TMEM232: variants seen among roughly 807,000 people sequenced by gnomAD.
The protein encoded by TMEM232 is transmembrane protein 232.
Under a neutral mutation model 78.8 loss-of-function variants are expected in TMEM232, and 80 were observed. The observed-to-expected ratio is 1.01, with a 90% confidence interval of 0.85 to 1.22. The LOEUF is 1.22. Ranked by LOEUF, TMEM232 falls within the 50% of genes most tolerant of loss-of-function variation. The pLI, the probability that TMEM232 is intolerant of heterozygous loss-of-function variation, is 0.00. For synonymous variants in TMEM232, 297 were observed against 254.3 expected (o/e 1.17, Z -1.60); for missense variants, 881 against 742.2 (o/e 1.19, Z -2.17).
At chr5:110,469,777 G>T (rs766631692) in intron 12 of TMEM232, among the ~76,000 whole-genome samples, 8 of 152,170 alleles carry the variant, frequency 5.3e-5, no homozygotes, top group Non-Finnish European at 1.0e-4. Flanking sequence ...AAGCGGAGCA[G>T]CTATGTACAC....
At chr5:110,597,442 G>T (rs1040111254) in intron 10 of TMEM232, among the ~76,000 whole-genome samples, 1,683 of 152,206 alleles carry the variant, frequency 0.011, 18 homozygotes, top group Middle Eastern at 0.017. Context: ...TACTGCCCAA[G>T]GTAATTTATA....
At chr5:110,460,153 A>G (rs1278547737) in intron 12 of TMEM232, among the ~76,000 whole-genome samples, 2 of 152,162 alleles carry the variant, frequency 1.3e-5, no homozygotes, top group Admixed American at 1.3e-4. Context: ...GCATTATATC[A>G]ATTTTAATTT....
Position 110,504,557 on chromosome 5 carries a change from C to T in TMEM232, c.1703+24031G>A, listed in dbSNP as rs73784778. Reference sequence around the variant, plus strand: ...ATTCCCAAGATCTGCAGTTGGCAAGCTAGAGACCCAGGATTGCCAATGTAT... The same window carrying T: ...ATTCCCAAGATCTGCAGTTGGCAAGTTAGAGACCCAGGATTGCCAATGTAT... On this transcript the variant is annotated intron_variant, in intron 12 of 13. Transcript: ENST00000455884. Among the ~76,000 whole-genome samples the T allele has an allele frequency of 4.3e-3, 655 of 152,272 alleles. 4 individuals carry two copies. Among genetic ancestry groups the T allele is most frequent in the African/African-American group, 0.015 (630 of 41,550 alleles).
chr5:110,517,015 T>C (rs543953712), intron 12 of TMEM232, among the ~76,000 whole-genome samples: 2 of 152,308 alleles, frequency 1.3e-5, no homozygotes, highest in East Asian at 1.9e-4. Flanking sequence ...CCCTTTTAAA[T>C]GTGCCCCACC....
intron 11 of TMEM232, among the ~76,000 whole-genome samples, chr5:110,565,829 A>G (rs1334310762): frequency 6.6e-6 from 1 of 151,962 alleles, no homozygotes; most frequent in Non-Finnish European, 1.5e-5. Context: ...TGATATTCAT[A>G]TGAACAAATC....
intron 2 of TMEM232, among the ~76,000 whole-genome samples, chr5:110,414,216 TATATC>T (rs1419410466): frequency 2.0e-5 from 3 of 152,226 alleles, no homozygotes; most frequent in South Asian, 2.1e-4. Context: ...TACCTGAAAT[TATATC>T]ATATTTTTAT....
intron 5 of TMEM232, among the ~76,000 whole-genome samples, chr5:110,637,617 C>T (rs1257988211): frequency 1.3e-5 from 2 of 151,626 alleles, no homozygotes; most frequent in Non-Finnish European, 2.9e-5. Flanking sequence ...ATACTTTTAG[C>T]CTTTCTTTTC....
rs377356381 is a variant in TMEM232, at chr5:110,431,318, C to G, written c.1704-6402G>C. 9.9e-5 allele frequency among the ~76,000 whole-genome samples: 15 copies of G among 151,692 alleles called. No homozygotes were observed. In the South Asian group the frequency reaches 2.1e-3, roughly 21 times the overall value. ...GAGAGGCCTTGATGAACACCTCAGG[C>G]TCTCCATTGGGACTCCTGAAAATTT... On this transcript the variant is annotated intron_variant, in intron 12 of 13. Coordinates refer to ENST00000455884, the MANE Select transcript of TMEM232 (RefSeq NM_001039763.4).
At chr5:110,620,225 G>T (rs1783457451) in intron 7 of TMEM232, among the ~76,000 whole-genome samples, 1 of 152,130 alleles carries the variant, frequency 6.6e-6, no homozygotes, top group Non-Finnish European at 1.5e-5. Flanking sequence ...GGATTGATTT[G>T]ACATACTATT....
intron 1 of TMEM232, among the ~76,000 whole-genome samples, chr5:110,688,788 G>C (rs1462825317): frequency 6.6e-6 from 1 of 152,128 alleles, no homozygotes; most frequent in East Asian, 1.9e-4. Context: ...CCACCTTTTG[G>C]CTGCTAAATA....
chr5:110,425,071 A>G (rs1176824192), intron 12 of TMEM232, among the ~76,000 whole-genome samples, 155 bp from the exon 13 acceptor site: 1 of 152,144 alleles, frequency 6.6e-6, no homozygotes, highest in East Asian at 1.9e-4. Context: ...GTTAGCTTTT[A>G]GGTTTTGTAA....
Position 110,491,263 on chromosome 5 carries a change from A to C in TMEM232, c.1703+37325T>G, listed in dbSNP as rs568686724. The stretch of plus-strand genomic sequence containing the variant: ...CATTAGGGAAATGAACATTAAAAAC[A>C]CAGCAATATACCTTTCACATTCTTT... On this transcript the variant is annotated intron_variant, in intron 12 of 13. Transcript: ENST00000455884. 1.1e-4 allele frequency among the ~76,000 whole-genome samples: 17 copies of C among 152,228 alleles called. No homozygotes were observed. The South Asian group carries it at 2.1e-3, about 19-fold the overall frequency.
At chr5:110,616,354 G>C (rs1226272392) in intron 8 of TMEM232, among the ~76,000 whole-genome samples, 1 of 151,924 alleles carries the variant, frequency 6.6e-6, no homozygotes, top group Non-Finnish European at 1.5e-5. Context: ...TGGGAGAACT[G>C]AACATCCACA....
chr5:110,668,778 C>T (rs1790951529), intron 1 of TMEM232, among the ~76,000 whole-genome samples: 1 of 152,150 alleles, frequency 6.6e-6, no homozygotes, highest in Non-Finnish European at 1.5e-5. Context: ...AACAAACTGT[C>T]TCGCAGACCA....
At chr5:110,658,686 C>A (rs947287856) in intron 2 of TMEM232, among the ~76,000 whole-genome samples, 1 of 152,126 alleles carries the variant, frequency 6.6e-6, no homozygotes, top group Non-Finnish European at 1.5e-5. Context: ...AGCTTCTAAA[C>A]TGTAATGTCA....
intron 12 of TMEM232, among the ~76,000 whole-genome samples, chr5:110,525,251 G>A (rs986118943): frequency 2.0e-5 from 3 of 150,866 alleles, no homozygotes; most frequent in African/African-American, 7.3e-5. Flanking sequence ...AAAAGGAAAA[G>A]GGCTAAAGTA....
chr5:110,536,781 T>C (rs73222630), intron 11 of TMEM232, among the ~76,000 whole-genome samples: 9,952 of 152,202 alleles, frequency 0.065, 1,008 homozygotes, highest in African/African-American at 0.21. Context: ...GGGAATGTTG[T>C]AGATGGTCTG....
chr5:110,500,431 A>G (rs2149441819), intron 12 of TMEM232, among the ~76,000 whole-genome samples: 1 of 152,276 alleles, frequency 6.6e-6, no homozygotes, highest in Non-Finnish European at 1.5e-5. Context: ...AAATATTTGG[A>G]AAGTTAAAAC....
chr5:110,655,634 T>C (rs1788934248), intron 2 of TMEM232, among the ~76,000 whole-genome samples: 1 of 149,134 alleles, frequency 6.7e-6, no homozygotes. Flanking sequence ...CTATTCACAA[T>C]AGCAAAGACT....
Sources: gnomAD v4.1 joint callset for allele counts (sites outside exome capture counted in the v4.1 genomes callset) on GRCh38, gnomAD v4.1.1 for gene constraint, MANE v1.5 for transcripts, NCBI Gene and HGNC (gene_info 2026-07-23, HGNC 2026-07-21) for gene names.